The following MRPS28 variants were observed in gnomAD, a reference collection of about 807,000 sequenced individuals.
The protein encoded by MRPS28 is mitochondrial ribosomal protein S28.
MRPS28 carries 7 observed loss-of-function variants against 10.8 expected under a neutral mutation model. The ratio of observed to expected loss-of-function variants is 0.65; its 90% CI spans 0.37 to 1.22. MRPS28 has a LOEUF of 1.22. Among genes scored for constraint, MRPS28 ranks in the 50% most tolerant of loss-of-function variants. The probability of loss-of-function intolerance (pLI) is 0.02; values close to 1 mark genes in which losing one functional copy is unlikely to be tolerated. For missense variants in MRPS28, 265 were observed against 232.9 expected, an observed-to-expected ratio of 1.14 and a Z score of -0.90; for synonymous variants, 121 against 93.3, an observed-to-expected ratio of 1.30 and a Z score of -1.71.
At chr8:79,950,938 C>T (rs1366027841) in intron 2 of MRPS28, among the ~76,000 whole-genome samples, 3 of 152,170 alleles carry the variant, frequency 2.0e-5, no homozygotes, top group Non-Finnish European at 4.4e-5. Flanking sequence ...GATTCCCAAC[C>T]TAATATCTAC....
intron 2 of MRPS28, among the ~76,000 whole-genome samples, chr8:79,952,632 C>CT (rs1439096211): frequency 1.3e-5 from 2 of 152,150 alleles, no homozygotes; most frequent in African/African-American, 4.8e-5. Context: ...ACCTACCCCC[C>CT]TACATCAGGG....
At chr8:79,974,466 G>A (rs1224988429) in intron 2 of MRPS28, among the ~76,000 whole-genome samples, 14 of 151,948 alleles carry the variant, frequency 9.2e-5, no homozygotes, top group East Asian at 7.8e-4. Context: ...GCGTGAACCC[G>A]AGAGGCAGAG....
chr8:80,027,749 C>A (rs925360409), intron 1 of MRPS28, among the ~76,000 whole-genome samples: 3 of 152,158 alleles, frequency 2.0e-5, no homozygotes, highest in Non-Finnish European at 4.4e-5. Context: ...CTCCTGATAT[C>A]CTCCTCCCCA....
At chr8:79,970,212 G>A (rs1340333156) in intron 2 of MRPS28, among the ~76,000 whole-genome samples, 6 of 152,026 alleles carry the variant, frequency 3.9e-5, no homozygotes, top group South Asian at 2.1e-4. Context: ...TCCAGATCAC[G>A]GGTTTTTTTT....
chr8:79,958,048 T>C lies in MRPS28; in HGVS notation c.396-38900A>G, dbSNP rs1033984536. On this transcript the variant is annotated intron_variant, in intron 2 of 2. Coordinates refer to ENST00000276585, the MANE Select transcript of MRPS28 (RefSeq NM_014018.3). ...CATATCATAAAATCTACCCAAAGTG[T>C]ATAATTCAGTGACTTTGAATATATT... 14 of 212,650 alleles carry C rather than the reference T, an allele frequency of 6.6e-5. No individual in the cohort carries two copies. The South Asian group carries it at 1.4e-3, about 21-fold the overall frequency. 13.2% of individuals were successfully genotyped at this position (212,650 alleles called of 1,614,324 possible).
At chr8:80,008,268 T>C (rs1425833853) in intron 1 of MRPS28, among the ~76,000 whole-genome samples, 4 of 152,146 alleles carry the variant, frequency 2.6e-5, no homozygotes, top group African/African-American at 7.2e-5. Context: ...ATACAAAAAT[T>C]AATTCAAGAT....
chr8:80,009,131 C>T (rs1033160873), intron 1 of MRPS28, among the ~76,000 whole-genome samples: 50 of 151,836 alleles, frequency 3.3e-4, no homozygotes, highest in Non-Finnish European at 5.7e-4. Flanking sequence ...TGTAGGGACA[C>T]GGATGAAGCT....
At chr8:79,944,456 T>C (rs1806847986) in intron 2 of MRPS28, among the ~76,000 whole-genome samples, 4 of 152,194 alleles carry the variant, frequency 2.6e-5, no homozygotes, top group African/African-American at 9.7e-5. Flanking sequence ...TTCTATATGC[T>C]ACGTTTATAT....
chr8:80,028,662 G>GGGGGGGGGGGGGGC (rs1809558299), intron 1 of MRPS28: 3 of 47,954 alleles, frequency 6.3e-5, no homozygotes, highest in Admixed American at 2.0e-4. Context: ...GGGGGGCGGG[G>GGGGGGGGGGGGGGC]CCGGGCGGGG....
At chr8:80,023,961 G>A (rs1336875828) in intron 1 of MRPS28, among the ~76,000 whole-genome samples, 4 of 152,212 alleles carry the variant, frequency 2.6e-5, no homozygotes, top group Non-Finnish European at 5.9e-5. Context: ...TGGTGTGGTG[G>A]CTCACACCTG....
chr8:79,994,351 G>C (rs1472675889), intron 2 of MRPS28, among the ~76,000 whole-genome samples: 1 of 152,054 alleles, frequency 6.6e-6, no homozygotes, highest in Non-Finnish European at 1.5e-5. Flanking sequence ...GGAAATAAGA[G>C]AATAAAAGTG....
intron 2 of MRPS28, among the ~76,000 whole-genome samples, chr8:79,944,876 G>A (rs1806865939): frequency 6.6e-6 from 1 of 151,642 alleles, no homozygotes; most frequent in East Asian, 1.9e-4. Context: ...TGTATTTTTA[G>A]TAGAGATGGG....
At chr8:80,018,020 A>G (rs1456065282) in intron 1 of MRPS28, among the ~76,000 whole-genome samples, 1 of 152,100 alleles carries the variant, frequency 6.6e-6, no homozygotes, top group Non-Finnish European at 1.5e-5. Context: ...ATAGGCAAAT[A>G]ATCTCACGCC....
chr8:79,993,504 A>T (rs1808419568), intron 2 of MRPS28, among the ~76,000 whole-genome samples: 1 of 151,688 alleles, frequency 6.6e-6, no homozygotes, highest in African/African-American at 2.4e-5. Flanking sequence ...ACAAGAAAAA[A>T]CCCCTCCAAT....
rs554945753 is a variant in MRPS28 at position 79,961,952 on chromosome 8, A to T, written c.395+41047T>A. Among the ~76,000 whole-genome samples the T allele has an allele frequency of 2.6e-5, 4 of 152,222 alleles. No individual in the cohort carries two copies. In the East Asian group the frequency reaches 7.7e-4, roughly 29 times the overall value. Reference sequence around the variant, plus strand: ...TTATTTTTATTCCACATACTGTTCCATGTAGAAGATGTCAAGTTTACTTAG... The same window carrying T: ...TTATTTTTATTCCACATACTGTTCCTTGTAGAAGATGTCAAGTTTACTTAG... On this transcript the variant is annotated intron_variant, in intron 2 of 2. Coordinates refer to ENST00000276585, the MANE Select transcript of MRPS28 (RefSeq NM_014018.3).
intron 1 of MRPS28, among the ~76,000 whole-genome samples, chr8:80,010,935 T>C (rs367966354): frequency 6.6e-6 from 1 of 152,208 alleles, no homozygotes; most frequent in African/African-American, 2.4e-5. Flanking sequence ...ATGTATGCCA[T>C]GAGCAATCAT....
At chr8:79,919,418 G>A (rs1017189231) in intron 2 of MRPS28, among the ~76,000 whole-genome samples, 7 of 151,394 alleles carry the variant, frequency 4.6e-5, no homozygotes, top group African/African-American at 1.2e-4. Flanking sequence ...AGAGCTTACC[G>A]TAACTTCAAA....
intron 2 of MRPS28, among the ~76,000 whole-genome samples, chr8:79,946,528 C>T (rs1307382516): frequency 6.6e-6 from 1 of 152,044 alleles, no homozygotes; most frequent in African/African-American, 2.4e-5. Context: ...AAAAACATCA[C>T]CCACTACATG....
At chr8:79,925,856 A>G (rs1340333418) in intron 2 of MRPS28, among the ~76,000 whole-genome samples, 1 of 152,050 alleles carries the variant, frequency 6.6e-6, no homozygotes, top group Non-Finnish European at 1.5e-5. Context: ...GCATGGTGGC[A>G]GGCGTCTGTG....
Sources: allele counts gnomAD v4.1 joint callset (sites outside exome capture counted in the v4.1 genomes callset), GRCh38; gene constraint gnomAD v4.1.1; transcripts MANE v1.5; gene names NCBI Gene and HGNC (gene_info 2026-07-23, HGNC 2026-07-21).